Variants in ULK4 observed in about 807,000 individuals in gnomAD.
ULK4 encodes unc-51 like kinase 4.
A neutral mutation model predicts 160.6 loss-of-function variants in ULK4; 133 were observed. The ratio of observed to expected loss-of-function variants is 0.83; its 90% confidence interval spans 0.72 to 0.96. The LOEUF (loss-of-function observed/expected upper bound fraction) is 0.96. Ranked by LOEUF, ULK4 falls within the 40% of genes least tolerant of loss-of-function variation. ULK4 has a pLI of 0.00. For missense variants in ULK4, 1,580 were observed against 1,499.5 expected (o/e 1.05, Z -0.89); for synonymous variants, 534 against 539.8 (o/e 0.99, Z 0.15).
chr3:41,262,887 C>G (rs534097260), intron 35 of ULK4, among the ~76,000 whole-genome samples: 2 of 150,248 alleles, frequency 1.3e-5, no homozygotes, highest in South Asian at 4.2e-4. Flanking sequence ...AACTAACTAA[C>G]TACAACAGCC....
intron 34 of ULK4, among the ~76,000 whole-genome samples, chr3:41,418,917 T>C (rs1206524488): frequency 6.6e-6 from 1 of 152,008 alleles, no homozygotes; most frequent in African/African-American, 2.4e-5. Context: ...TTACACAGAG[T>C]TGTTAGAAAA....
chr3:41,556,026 A>C (rs559799605), intron 32 of ULK4, among the ~76,000 whole-genome samples: 127 of 152,198 alleles, frequency 8.3e-4, no homozygotes, highest in African/African-American at 3.0e-3. Flanking sequence ...GGCCTTTCAG[A>C]GGGTGGAGGG....
intron 16 of ULK4, among the ~76,000 whole-genome samples, chr3:41,884,974 AC>A (rs753024958): frequency 6.6e-5 from 10 of 151,226 alleles, no homozygotes; most frequent in Non-Finnish European, 1.3e-4. Flanking sequence ...TCCCACCTCA[AC>A]CCCCCCAGCT....
intron 30 of ULK4, among the ~76,000 whole-genome samples, chr3:41,640,466 T>A (rs1158910692): frequency 1.3e-5 from 2 of 152,176 alleles, no homozygotes; most frequent in East Asian, 3.9e-4. Flanking sequence ...GAATGGTCTC[T>A]CGTTTTGCCT....
intron 32 of ULK4, among the ~76,000 whole-genome samples, chr3:41,529,592 C>A (rs2086232119): frequency 6.6e-6 from 1 of 152,160 alleles, no homozygotes. Context: ...CCAAGCAATT[C>A]TTGTGCCTCA....
rs1179726448 is a variant in ULK4, at chr3:41,403,521, A to AT, written c.3493-5258dup. 1.4e-4 allele frequency among the ~76,000 whole-genome samples: 21 copies of AT among 151,090 alleles called. No homozygotes were observed. The South Asian group carries it at 3.6e-3, about 26-fold the overall frequency. On this transcript the variant is annotated intron_variant, in intron 34 of 36. Transcript: ENST00000301831. ...GGATAGAGGTTTTTCAATTGTACTGATTTTTTTTCAGAGTCAGCTTTTTGT... is the reference window on the plus strand; with the variant it reads ...GGATAGAGGTTTTTCAATTGTACTGATTTTTTTTTCAGAGTCAGCTTTTTGT...
At chr3:41,945,246 G>A (rs557688750) in intron 2 of ULK4, among the ~76,000 whole-genome samples, 1 of 149,842 alleles carries the variant, frequency 6.7e-6, no homozygotes, top group South Asian at 2.1e-4. Context: ...TCTGCCTCAA[G>A]ATGTGCCGGC....
At chr3:41,447,161 G>C (rs977267920) in intron 34 of ULK4, among the ~76,000 whole-genome samples, 5 of 149,000 alleles carry the variant, frequency 3.4e-5, no homozygotes, top group African/African-American at 1.2e-4. Flanking sequence ...CTTTTGGCAT[G>C]ACCCACGTTT....
intron 17 of ULK4, among the ~76,000 whole-genome samples, chr3:41,880,711 G>T (rs1054587265): frequency 5.3e-5 from 8 of 152,084 alleles, no homozygotes; most frequent in African/African-American, 1.9e-4. Context: ...ATCACTTGAG[G>T]CCAGGAGTTC....
chr3:41,706,357 A>T (rs1310215539), intron 25 of ULK4, among the ~76,000 whole-genome samples: 1 of 144,560 alleles, frequency 6.9e-6, no homozygotes, highest in Non-Finnish European at 1.5e-5. Flanking sequence ...TAATATATAT[A>T]TATTTATATA....
intron 21 of ULK4, among the ~76,000 whole-genome samples, chr3:41,786,627 CAATA>C (rs2040005341): frequency 6.8e-6 from 1 of 146,798 alleles, no homozygotes; most frequent in Admixed American, 6.8e-5. Context: ...AGCAAATGTT[CAATA>C]AATTGTAAAT....
intron 32 of ULK4, among the ~76,000 whole-genome samples, chr3:41,527,703 A>G (rs893835425): frequency 1.3e-5 from 2 of 152,198 alleles, no homozygotes; most frequent in Non-Finnish European, 2.9e-5. Context: ...GTATCCTCAC[A>G]ATAATACCTT....
chr3:41,539,009 A>G (rs1326874410), intron 32 of ULK4, among the ~76,000 whole-genome samples: 6 of 144,070 alleles, frequency 4.2e-5, no homozygotes, highest in Admixed American at 4.2e-4. Flanking sequence ...CATATATTTT[A>G]TGCTTTCATA....
chr3:41,830,279 T>C (rs535542714), intron 18 of ULK4, among the ~76,000 whole-genome samples: 1 of 152,168 alleles, frequency 6.6e-6, no homozygotes, highest in African/African-American at 2.4e-5. Flanking sequence ...ACATGTACCC[T>C]AAAACTTAAA....
In ULK4 at chr3:41,403,041, T is replaced by C. The variant is rs565309282; in HGVS notation, c.3493-4777A>G. ...GGCACATGCCTGTAATCCCAGCTAC[T>C]TGGGAGGCTGAGGCAGGAGAATTTC... On this transcript the variant is annotated intron_variant, in intron 34 of 36. Transcript: ENST00000301831. 1.6e-3 allele frequency among the ~76,000 whole-genome samples: 236 copies of C among 152,110 alleles called. 2 individuals are homozygous for C. Among genetic ancestry groups the C allele is most frequent in the Admixed American group, 7.0e-3 (107 of 15,272 alleles).
intron 18 of ULK4, among the ~76,000 whole-genome samples, chr3:41,833,499 T>C (rs892740578): frequency 6.6e-6 from 1 of 152,062 alleles, no homozygotes; most frequent in East Asian, 1.9e-4. Context: ...GGTTTCACCA[T>C]ATTAGCCGGG....
chr3:41,425,010 G>A (rs1906285), intron 34 of ULK4, among the ~76,000 whole-genome samples: 15,948 of 152,034 alleles, frequency 0.1, 986 homozygotes, highest in Admixed American at 0.15. Context: ...AGCTAAAGGA[G>A]CATGTTGTAA....
At position 41,954,709 on chromosome 3, in the gene ULK4, AAC is replaced by A. The variant is rs1468195892; in HGVS notation, c.49_50del (p.Val17CysfsTer3). 34 of 1,613,860 alleles carry A rather than the reference AAC, an allele frequency of 2.1e-5. No individual in the cohort carries two copies. Among genetic ancestry groups the A allele is most frequent in the Non-Finnish European group, 2.8e-5 (33 of 1,179,930 alleles). ...YEEIGRGSKT[V>X]VYKGRRKGTI... is the part of the protein sequence containing the mutation. ...TTCCCTTCCGTCGCCCTTTATAGACAACAGTCTTGCTTCCTCTTCCGATCTCC... is the reference window on the plus strand; with the variant it reads ...TTCCCTTCCGTCGCCCTTTATAGACAAGTCTTGCTTCCTCTTCCGATCTCC... On this transcript the variant is annotated frameshift_variant, in exon 2 of 37. Transcript: ENST00000301831. LOFTEE classifies it high-confidence loss of function.
chr3:41,926,719 C>T (rs921727312), intron 5 of ULK4, among the ~76,000 whole-genome samples: 4 of 151,836 alleles, frequency 2.6e-5, no homozygotes, highest in African/African-American at 9.7e-5. Flanking sequence ...GTATCAATAG[C>T]CAAATAGATC....
Sources: gnomAD v4.1 joint callset for allele counts (sites outside exome capture counted in the v4.1 genomes callset) on GRCh38, gnomAD v4.1.1 for gene constraint, MANE v1.5 for transcripts, NCBI Gene and HGNC (gene_info 2026-07-23, HGNC 2026-07-21) for gene names.